The following ARIH2 variants were observed in gnomAD, a reference collection of about 807,000 sequenced individuals.
ARIH2 encodes ariadne RBR E3 ubiquitin protein ligase 2.
Under a neutral mutation model 79.8 loss-of-function variants are expected in ARIH2, and 12 were observed. The observed-to-expected ratio is 0.15, with a 90% CI of 0.10 to 0.24. The LOEUF is 0.24. Among genes scored for constraint, ARIH2 ranks in the 10% least tolerant of loss-of-function variants. ARIH2 has a pLI of 1.00. For missense variants in ARIH2, 301 were observed against 618.3 expected, an observed-to-expected ratio of 0.49 and a Z score of 5.44; for synonymous variants, 224 against 213.9, an observed-to-expected ratio of 1.05 and a Z score of -0.41.
intron 14 of ARIH2, 99 bp from the exon 15 acceptor site, chr3:48,982,797 C>A: frequency 2.4e-6 from 2 of 818,250 alleles, no homozygotes; most frequent in Non-Finnish European, 4.3e-6. Context: ...GTCTGTAGTT[C>A]CTGTGAGCCT....
intron 3 of ARIH2, among the ~76,000 whole-genome samples, chr3:48,931,475 G>A (rs141325987): frequency 4.6e-5 from 7 of 151,964 alleles, no homozygotes; most frequent in African/African-American, 7.2e-5. Flanking sequence ...GTGTGAACCC[G>A]CGGGCAGAGG....
chr3:48,982,781 A>C, intron 14 of ARIH2, 115 bp from the exon 15 acceptor site: 1 of 750,370 alleles, frequency 1.3e-6, no homozygotes, highest in Non-Finnish European at 2.4e-6. Context: ...GGACAGTATC[A>C]GGATTGTCTG....
intron 11 of ARIH2, among the ~76,000 whole-genome samples, chr3:48,978,293 T>C (rs1234141337): frequency 3.3e-5 from 5 of 150,212 alleles, no homozygotes. Flanking sequence ...TCTCGCTCTG[T>C]CACCTAGGCT....
At chr3:48,967,484 G>A (rs907784292) in intron 6 of ARIH2, among the ~76,000 whole-genome samples, 2 of 152,166 alleles carry the variant, frequency 1.3e-5, no homozygotes, top group African/African-American at 4.8e-5. Flanking sequence ...ATATACTGTT[G>A]TAAATGTTGG....
chr3:48,963,013 C>T (rs1351521301), intron 4 of ARIH2, among the ~76,000 whole-genome samples: 3 of 152,154 alleles, frequency 2.0e-5, no homozygotes, highest in Admixed American at 6.6e-5. Context: ...GGATTACCAG[C>T]ACTTGCCACC....
intron 2 of ARIH2, 48 bp from the exon 3 acceptor site, chr3:48,927,414 A>G (rs2085772718): frequency 1.6e-5 from 16 of 1,018,962 alleles, no homozygotes; most frequent in Non-Finnish European, 2.1e-5. Context: ...TTCTGTTACA[A>G]CTTGTCATGG....
At chr3:48,968,741 G>T in intron 7 of ARIH2, 86 bp downstream of exon 7, 1 of 1,527,734 alleles carries the variant, frequency 6.5e-7, no homozygotes, top group Non-Finnish European at 8.9e-7. Flanking sequence ...TTGTAGACTA[G>T]GCTGACATTA....
chr3:48,962,352 G>A (rs2091361645), intron 4 of ARIH2, among the ~76,000 whole-genome samples: 1 of 151,890 alleles, frequency 6.6e-6, no homozygotes, highest in Non-Finnish European at 1.5e-5. Context: ...ACTCCAGCCT[G>A]GTGGCAGAGT....
intron 3 of ARIH2, among the ~76,000 whole-genome samples, chr3:48,928,365 T>G (rs938367137): frequency 6.6e-6 from 1 of 152,222 alleles, no homozygotes; most frequent in South Asian, 2.1e-4. Flanking sequence ...ATGAACAAAG[T>G]TGATTACCCC....
chr3:48,974,578 G>A, intron 9 of ARIH2: 1 of 574,208 alleles, frequency 1.7e-6, no homozygotes, highest in East Asian at 2.9e-5. Context: ...AGGGGCAGAT[G>A]GTGGAAGACT....
chr3:48,927,893 A>G, intron 3 of ARIH2, 80 bp downstream of exon 3: 3 of 1,525,816 alleles, frequency 2.0e-6, no homozygotes, highest in Non-Finnish European at 2.7e-6. Flanking sequence ...TGTCTCCTCC[A>G]GACTAATTGA....
intron 2 of ARIH2, among the ~76,000 whole-genome samples, chr3:48,924,344 T>C (rs2085264367): frequency 6.6e-6 from 1 of 151,466 alleles, no homozygotes; most frequent in Non-Finnish European, 1.5e-5. Flanking sequence ...AGAAGATTAT[T>C]TACCTGAATT....
chr3:48,966,380 T>A (rs1416558173), intron 5 of ARIH2, among the ~76,000 whole-genome samples: 2 of 152,198 alleles, frequency 1.3e-5, no homozygotes. Context: ...TTCCATTGGT[T>A]TGTGGTTTTA....
intron 3 of ARIH2, chr3:48,934,256 C>G: frequency 1.9e-6 from 1 of 530,714 alleles, no homozygotes; most frequent in Non-Finnish European, 2.4e-6. Flanking sequence ...ATTATTTTAG[C>G]CATTTTCTTA....
intron 7 of ARIH2, 68 bp from the exon 8 acceptor site, chr3:48,970,527 C>T: frequency 3.9e-6 from 4 of 1,023,942 alleles, no homozygotes; most frequent in Non-Finnish European, 6.2e-6. Flanking sequence ...TTTGAATATT[C>T]AGGGGGTTCT....
intron 11 of ARIH2, among the ~76,000 whole-genome samples, chr3:48,978,623 A>G (rs7621015): frequency 0.66 from 99,825 of 150,794 alleles, 33,725 homozygotes; most frequent in East Asian, 0.96. Context: ...AAGCAGAATC[A>G]TAATTCTGAT....
At chr3:48,951,115 A>G (rs1356341285) in intron 3 of ARIH2, among the ~76,000 whole-genome samples, 1 of 151,962 alleles carries the variant, frequency 6.6e-6, no homozygotes, top group Non-Finnish European at 1.5e-5. Context: ...GGTTCATGTC[A>G]CCATGCCCAG....
chr3:48,937,000 C>T (rs2087245750), intron 3 of ARIH2, among the ~76,000 whole-genome samples: 1 of 152,050 alleles, frequency 6.6e-6, no homozygotes, highest in Admixed American at 6.5e-5. Context: ...TGCACTCCAG[C>T]CTGGGCAACA....
intron 11 of ARIH2, among the ~76,000 whole-genome samples, chr3:48,976,441 C>T (rs1250123334): frequency 1.3e-5 from 2 of 152,002 alleles, no homozygotes; most frequent in Non-Finnish European, 2.9e-5. Context: ...GAACTTCTGA[C>T]CCCAGGCAAT....
Sources: allele counts gnomAD v4.1 joint callset (sites outside exome capture counted in the v4.1 genomes callset), GRCh38; gene constraint gnomAD v4.1.1; transcripts MANE v1.5; gene names NCBI Gene and HGNC (gene_info 2026-07-23, HGNC 2026-07-21).